The following GSTCD variants were observed in gnomAD, a reference collection of about 807,000 sequenced individuals.
GSTCD encodes glutathione S-transferase C-terminal domain containing, also known as glutathione S-transferase C-terminal domain-containing protein.
A neutral mutation model predicts 68.3 loss-of-function variants in GSTCD; 44 were observed. That is an observed-to-expected ratio of 0.64 (90% CI 0.51 to 0.83). GSTCD has a LOEUF of 0.83. Ranked by LOEUF, GSTCD falls within the 40% of genes least tolerant of loss-of-function variation. The probability of loss-of-function intolerance (pLI) is 0.00; values close to 1 mark genes in which losing one functional copy is unlikely to be tolerated. For missense variants in GSTCD, 739 were observed against 735.9 expected (o/e 1.00, Z -0.05); for synonymous variants, 273 against 255.2 (o/e 1.07, Z -0.67).
Position 105,712,818 on chromosome 4 carries a change from T to C in GSTCD, c.-22+3802T>C, listed in dbSNP as rs1183129007. Among the ~76,000 whole-genome samples the C allele has an allele frequency of 3.3e-5, 5 of 152,174 alleles. No homozygotes were observed. In the East Asian group the frequency reaches 9.6e-4, roughly 29 times the overall value. On this transcript the variant is annotated intron_variant, in intron 1 of 11. Coordinates refer to ENST00000515279, the MANE Select transcript of GSTCD (RefSeq NM_001370181.1). The stretch of plus-strand genomic sequence containing the variant: ...CATCTGGGTAATTGGTGTTGCCATT[T>C]TACCAGGAAGTAGAACACGAAGGGA...
intron 1 of GSTCD, chr4:105,712,463 A>G (rs1732566647): frequency 6.6e-6 from 1 of 152,270 alleles, no homozygotes; most frequent in African/African-American, 2.4e-5. Flanking sequence ...AGCTAGGGTC[A>G]CAGTAGGCCT....
intron 3 of GSTCD, among the ~76,000 whole-genome samples, chr4:105,720,103 T>G (rs750232216): frequency 6.6e-6 from 1 of 152,224 alleles, no homozygotes. Flanking sequence ...GCTCTGTTAT[T>G]ATGTGCTGGG....
rs562017083 is a variant in GSTCD at position 105,845,787 on chromosome 4, T to C, written c.*210T>C. The C allele has an allele frequency of 1.9e-6, 1 of 534,906 alleles. No homozygotes were observed. Among genetic ancestry groups the C allele is most frequent in the African/African-American group, 1.9e-5 (1 of 52,988 alleles). The allele number at this position is 534,906 out of a possible 1,614,324, so 33.1% of individuals were successfully genotyped here. On this transcript the variant is annotated 3_prime_UTR_variant, in exon 12 of 12. Transcript: ENST00000515279. ...CAATGTGTGATTAAAGGACTGCTGGTTTTTATAGTGAGAATCCCCTGAAGT... is the reference window on the plus strand; with the variant it reads ...CAATGTGTGATTAAAGGACTGCTGGCTTTTATAGTGAGAATCCCCTGAAGT...
At chr4:105,821,680 A>AT (rs1187874512) in intron 5 of GSTCD, among the ~76,000 whole-genome samples, 3 of 151,942 alleles carry the variant, frequency 2.0e-5, no homozygotes, top group Admixed American at 1.3e-4. Flanking sequence ...CTATGCAGCC[A>AT]TTAAAATATA....
At chr4:105,806,545 T>C (rs1722505886) in intron 5 of GSTCD, among the ~76,000 whole-genome samples, 1 of 152,138 alleles carries the variant, frequency 6.6e-6, no homozygotes, top group Non-Finnish European at 1.5e-5. Flanking sequence ...TCTATGTTTT[T>C]GCCTATAAAA....
At chr4:105,726,482 C>T in intron 3 of GSTCD, 97 bp from the exon 4 acceptor site, 1 of 749,918 alleles carries the variant, frequency 1.3e-6, no homozygotes, top group Non-Finnish European at 2.1e-6. Flanking sequence ...GAACTATACA[C>T]TTAAATGTGT....
At chr4:105,791,346 TCG>T (rs1483350690) in intron 5 of GSTCD, among the ~76,000 whole-genome samples, 20 of 144,358 alleles carry the variant, frequency 1.4e-4, no homozygotes, top group Admixed American at 1.2e-3. Context: ...TGAGCCGAGA[TCG>T]CGCCACTGCA....
Position 105,723,983 on chromosome 4 carries a change from T to C in GSTCD, c.895-2596T>C, listed in dbSNP as rs1004524551. ...CAAAGAGAGTTACAGTCCTTGTTCT[T>C]ATAATCAATTACTTGTGCTCATTTA... On this transcript the variant is annotated intron_variant, in intron 3 of 11. Coordinates refer to ENST00000515279, the MANE Select transcript of GSTCD (RefSeq NM_001370181.1). 1.8e-4 allele frequency among the ~76,000 whole-genome samples: 28 copies of C among 151,840 alleles called. 1 individual carries two copies. Among genetic ancestry groups the C allele is most frequent in the Admixed American group, 6.6e-5 (1 of 15,254 alleles).
intron 5 of GSTCD, among the ~76,000 whole-genome samples, chr4:105,789,713 T>C (rs1375633464): frequency 5.3e-5 from 8 of 151,724 alleles, no homozygotes; most frequent in Non-Finnish European, 1.5e-5. Context: ...TTGAAGTGAG[T>C]CACTAGGTTC....
At chr4:105,726,451 AT>A in intron 3 of GSTCD, 127 bp from the exon 4 acceptor site, 3 of 632,888 alleles carry the variant, frequency 4.7e-6, no homozygotes, top group Admixed American at 6.4e-5. Context: ...AACTGGATAC[AT>A]TTACTACAAC....
intron 8 of GSTCD, among the ~76,000 whole-genome samples, chr4:105,826,411 T>G (rs898216838): frequency 3.9e-5 from 6 of 152,106 alleles, no homozygotes; most frequent in Non-Finnish European, 7.4e-5. Context: ...ATGAACATGT[T>G]AGTGTTGCTG....
At chr4:105,793,345 C>T (rs913789902) in intron 5 of GSTCD, among the ~76,000 whole-genome samples, 3 of 151,302 alleles carry the variant, frequency 2.0e-5, no homozygotes, top group African/African-American at 7.3e-5. Context: ...TCTGATCAAT[C>T]TGTTTTCAAG....
intron 5 of GSTCD, among the ~76,000 whole-genome samples, chr4:105,730,916 G>C (rs184084567): frequency 6.6e-6 from 1 of 152,078 alleles, no homozygotes; most frequent in Non-Finnish European, 1.5e-5. Flanking sequence ...AATAATTTTT[G>C]TATGGGGTGT....
chr4:105,715,468 CT>C (rs1457876348), intron 1 of GSTCD, among the ~76,000 whole-genome samples: 2 of 151,906 alleles, frequency 1.3e-5, no homozygotes, highest in Non-Finnish European at 2.9e-5. Flanking sequence ...CCCAGATAAT[CT>C]TTTAAGAAGT....
chr4:105,733,188 T>C (rs1733317794), intron 5 of GSTCD, among the ~76,000 whole-genome samples: 1 of 152,180 alleles, frequency 6.6e-6, no homozygotes, highest in South Asian at 2.1e-4. Flanking sequence ...GAGAGTTCTG[T>C]AGATGTGTAT....
intron 5 of GSTCD, among the ~76,000 whole-genome samples, chr4:105,740,577 A>T (rs945314235): frequency 6.6e-6 from 1 of 152,134 alleles, no homozygotes; most frequent in African/African-American, 2.4e-5. Flanking sequence ...GCTTGGGCAT[A>T]TGGAGTGCTA....
In GSTCD at chr4:105,708,808, C is replaced by A; in HGVS notation, c.-230C>A. On this transcript the variant is annotated 5_prime_UTR_variant, in exon 1 of 12. Coordinates refer to ENST00000515279, the MANE Select transcript of GSTCD (RefSeq NM_001370181.1). The stretch of plus-strand genomic sequence containing the variant: ...CGTTACTTCCCTTTTTCCGGTCCGC[C>A]GGATTATGAATGACGGCCGGCGCGA... The A allele has an allele frequency of 6.3e-6, 1 of 157,684 alleles. No homozygotes were observed. Among genetic ancestry groups the A allele is most frequent in the Non-Finnish European group, 1.4e-5 (1 of 72,618 alleles). The allele number at this position is 157,684 out of a possible 1,614,324, so 9.8% of individuals were successfully genotyped here.
chr4:105,735,858 G>A (rs1401984441), intron 5 of GSTCD, among the ~76,000 whole-genome samples: 1 of 151,748 alleles, frequency 6.6e-6, no homozygotes, highest in Non-Finnish European at 1.5e-5. Flanking sequence ...AAAAATTCCA[G>A]GTAACATGTC....
At chr4:105,783,600 T>G (rs1371565153) in intron 5 of GSTCD, among the ~76,000 whole-genome samples, 2 of 152,090 alleles carry the variant, frequency 1.3e-5, no homozygotes. Context: ...ATGTATATAT[T>G]TTTCTTGAAC....
Sources: gnomAD v4.1 joint callset for allele counts (sites outside exome capture counted in the v4.1 genomes callset) on GRCh38, gnomAD v4.1.1 for gene constraint, MANE v1.5 for transcripts, NCBI Gene and HGNC (gene_info 2026-07-23, HGNC 2026-07-21) for gene names.